RIMS1: variants seen among roughly 807,000 people sequenced by gnomAD.
The protein encoded by RIMS1 is regulating synaptic membrane exocytosis 1, also known as regulating synaptic membrane exocytosis protein 1.
Under a neutral mutation model 214.1 loss-of-function variants are expected in RIMS1, and 83 were observed. The ratio of observed to expected loss-of-function variants is 0.39; its 90% confidence interval spans 0.32 to 0.47. The LOEUF (loss-of-function observed/expected upper bound fraction) is 0.47, where lower values mean the gene tolerates loss of function less well. RIMS1 is among the 20% of genes least tolerant of loss of function. The pLI is 0.99. For missense variants in RIMS1, 2,050 were observed against 2,161.8 expected, an observed-to-expected ratio of 0.95 and a Z score of 1.03; for synonymous variants, 793 against 786.8, an observed-to-expected ratio of 1.01 and a Z score of -0.13.
intron 1 of RIMS1, among the ~76,000 whole-genome samples, chr6:71,921,565 TTA>T (rs1488841234): frequency 6.6e-6 from 1 of 152,248 alleles, no homozygotes; most frequent in Non-Finnish European, 1.5e-5. Context: ...ACAATCATAC[TTA>T]CTGAATTGCA....
chr6:71,933,184 A>G (rs577273519), intron 1 of RIMS1, among the ~76,000 whole-genome samples: 1 of 152,126 alleles, frequency 6.6e-6, no homozygotes, highest in Non-Finnish European at 1.5e-5. Flanking sequence ...AAAAATTGTG[A>G]AACAGAAGTA....
chr6:72,233,239 GTCT>G (rs2062700145), intron 6 of RIMS1, among the ~76,000 whole-genome samples: 1 of 151,776 alleles, frequency 6.6e-6, no homozygotes, highest in Non-Finnish European at 1.5e-5. Context: ...TTTGTAGCCA[GTCT>G]TTTGGAAAAA....
At chr6:72,087,982 AC>A (rs1835108673) in intron 2 of RIMS1, among the ~76,000 whole-genome samples, 1 of 152,174 alleles carries the variant, frequency 6.6e-6, no homozygotes, top group South Asian at 2.1e-4. Context: ...AATTATCAGT[AC>A]CCTTCAATTA....
chr6:72,217,247 A>G (rs1174284834), intron 6 of RIMS1: 1 of 1,532,960 alleles, frequency 6.5e-7, no homozygotes, highest in African/African-American at 1.4e-5. Context: ...GGAACAGGTA[A>G]ACTAAATTAT....
At chr6:72,181,948 T>G (rs757886219) in intron 5 of RIMS1, among the ~76,000 whole-genome samples, 1 of 152,210 alleles carries the variant, frequency 6.6e-6, no homozygotes, top group Non-Finnish European at 1.5e-5. Context: ...AATCCTCACA[T>G]GAACCTTGCA....
At chr6:72,327,746 C>T (rs747680103) in intron 28 of RIMS1, among the ~76,000 whole-genome samples, 79 of 151,880 alleles carry the variant, frequency 5.2e-4, no homozygotes, top group Non-Finnish European at 9.3e-4. Flanking sequence ...TTTTCATAAA[C>T]CTGCTGTTAA....
rs780843966 is a variant in RIMS1 at position 72,182,839 on chromosome 6, G to A, written c.1368G>A (p.Pro456=). The A allele has an allele frequency of 7.7e-6, 12 of 1,552,938 alleles. No individual in the cohort carries two copies. The South Asian group carries it at 1.4e-4, about 18-fold the overall frequency. The change falls in exon 6 of 34, where the codon CCG becomes CCA. Residue 456 remains proline (P), a synonymous_variant. Coordinates refer to ENST00000521978, the MANE Select transcript of RIMS1 (RefSeq NM_014989.7). ...NHSPPAPRHG[P]VPAEAPELKA... ...GCCCGCCGGCGCCCAGACATGGGCC[G>A]GTTCCCGCAGAAGCCCCGGAGCTCA... is the stretch of plus-strand genomic sequence containing the variant.
chr6:71,936,841 T>G (rs1784602923), intron 1 of RIMS1, among the ~76,000 whole-genome samples: 1 of 152,224 alleles, frequency 6.6e-6, no homozygotes, highest in African/African-American at 2.4e-5. Flanking sequence ...TACAGTAGAA[T>G]TAGAAGTCAC....
intron 4 of RIMS1, among the ~76,000 whole-genome samples, chr6:72,123,671 A>T (rs2038899024): frequency 6.6e-6 from 1 of 151,886 alleles, no homozygotes; most frequent in African/African-American, 2.4e-5. Context: ...TTGGGTGCAT[A>T]TATATTTAGG....
Position 72,401,905 on chromosome 6 carries a change from C to T in RIMS1, c.*1191C>T, listed in dbSNP as rs2098837439. 6.6e-6 allele frequency: 1 copy of T among 152,626 alleles called. No homozygotes were observed. Among genetic ancestry groups the T allele is most frequent in the African/African-American group, 2.4e-5 (1 of 41,462 alleles). The allele number at this position is 152,626 out of a possible 1,614,324, so 9.5% of individuals were successfully genotyped here. On this transcript the variant is annotated 3_prime_UTR_variant, in exon 34 of 34. Coordinates refer to ENST00000521978, the MANE Select transcript of RIMS1 (RefSeq NM_014989.7). ...CTTTGAGATTGATGCAAGCACAAAGCTTGATTTTTTAATGCAAAGTATCTT... is the reference window on the plus strand; with the variant it reads ...CTTTGAGATTGATGCAAGCACAAAGTTTGATTTTTTAATGCAAAGTATCTT...
chr6:72,193,314 A>G (rs890366556), intron 6 of RIMS1, among the ~76,000 whole-genome samples: 6 of 152,222 alleles, frequency 3.9e-5, no homozygotes, highest in African/African-American at 1.4e-4. Context: ...ATCTGGGAAC[A>G]CAAGGATACC....
At chr6:72,056,310 G>T (rs551987179) in intron 2 of RIMS1, among the ~76,000 whole-genome samples, 1 of 152,172 alleles carries the variant, frequency 6.6e-6, no homozygotes, top group Non-Finnish European at 1.5e-5. Flanking sequence ...TACTTATCAG[G>T]TACTATGCTT....
chr6:72,379,710 C>T (rs1400464807), intron 29 of RIMS1, among the ~76,000 whole-genome samples: 3 of 152,186 alleles, frequency 2.0e-5, no homozygotes, highest in Admixed American at 6.5e-5. Flanking sequence ...ATACTCAACC[C>T]TATGAGCTAG....
At chr6:72,322,722 G>C (rs1267482406) in intron 28 of RIMS1, among the ~76,000 whole-genome samples, 1 of 152,026 alleles carries the variant, frequency 6.6e-6, no homozygotes, top group Non-Finnish European at 1.5e-5. Context: ...GTTCATCCTA[G>C]TTTCCTCTGA....
Position 72,398,964 on chromosome 6 carries a change from T to C in RIMS1, c.4730T>C (p.Val1577Ala). The change falls in exon 33 of 34, where the codon GTC (valine) becomes GCC (alanine). Residue 1577 changes from valine to alanine, a missense_variant. This residue lies in a region of RIMS1 where 121 missense variants were observed against 187.3 expected (regional missense o/e 0.65). Coordinates refer to ENST00000521978, the MANE Select transcript of RIMS1 (RefSeq NM_014989.7). ...ATATACCTTTGTTTAGCTCCATATG[T>C]CAAAGTATATCTTTTGGAAAATGGG... ...PGSKSTPAPY[V>A]KVYLLENGAC... 1 of 1,592,690 alleles carries C rather than the reference T, an allele frequency of 6.3e-7. No individual in the cohort carries two copies. Among genetic ancestry groups the C allele is most frequent in the Non-Finnish European group, 8.6e-7 (1 of 1,161,922 alleles).
chr6:72,012,760 G>T (rs532611908), intron 2 of RIMS1, among the ~76,000 whole-genome samples: 7 of 152,134 alleles, frequency 4.6e-5, no homozygotes, highest in Admixed American at 1.3e-4. Context: ...GTGATGTGAA[G>T]CCTTTGAGAC....
At chr6:72,255,685 G>GA (rs1455510005) in intron 16 of RIMS1, among the ~76,000 whole-genome samples, 1 of 152,040 alleles carries the variant, frequency 6.6e-6, no homozygotes, top group East Asian at 1.9e-4. Flanking sequence ...CAGAAAATGA[G>GA]AAAAAAATTC....
At chr6:72,050,248 C>T (rs898103361) in intron 2 of RIMS1, among the ~76,000 whole-genome samples, 2 of 152,116 alleles carry the variant, frequency 1.3e-5, no homozygotes, top group Non-Finnish European at 2.9e-5. Context: ...ATTGACAACT[C>T]TCAACTCACA....
chr6:71,974,499 A>T (rs1796671789), intron 2 of RIMS1, among the ~76,000 whole-genome samples: 1 of 152,152 alleles, frequency 6.6e-6, no homozygotes, highest in East Asian at 1.9e-4. Flanking sequence ...TTTCAGAGTT[A>T]TCATGGATTT....
Sources: gnomAD v4.1 joint callset for allele counts (sites outside exome capture counted in the v4.1 genomes callset) on GRCh38, gnomAD v4.1.1 for gene constraint, gnomAD v4.1.1 regional missense constraint, MANE v1.5 for transcripts, NCBI Gene and HGNC (gene_info 2026-07-23, HGNC 2026-07-21) for gene names.